The following MYBPC3 variants were observed in gnomAD, a reference collection of about 807,000 sequenced individuals.
The protein encoded by MYBPC3 is myosin-binding protein C, cardiac-type.
MYBPC3 carries 108 observed loss-of-function variants against 159.3 expected under a neutral mutation model. The ratio of observed to expected loss-of-function variants is 0.68; its 90% confidence interval spans 0.58 to 0.80. The LOEUF (loss-of-function observed/expected upper bound fraction) is 0.80, where lower values mean the gene tolerates loss of function less well. MYBPC3 is among the 30% of genes least tolerant of loss of function. The pLI, the probability that MYBPC3 is intolerant of heterozygous loss-of-function variation, is 0.00. For synonymous variants in MYBPC3, 730 were observed against 702.0 expected (o/e 1.04, Z -0.63); for missense variants, 1,631 against 1,762.1 (o/e 0.93, Z 1.33).
At chr11:47,336,874 G>A (rs2095882814) in intron 25 of MYBPC3, among the ~76,000 whole-genome samples, 1 of 152,234 alleles carries the variant, frequency 6.6e-6, no homozygotes, top group Admixed American at 6.5e-5. Flanking sequence ...GGACCATGGA[G>A]CTGCCTCTGC....
intron 12 of MYBPC3, among the ~76,000 whole-genome samples, chr11:47,345,943 CTT>C (rs1313165130): frequency 1.3e-5 from 2 of 152,040 alleles, no homozygotes; most frequent in African/African-American, 4.8e-5. Context: ...AACTTTTGCT[CTT>C]CTCTTCTATC....
intron 3 of MYBPC3, 22 bp from the exon 4 acceptor site, chr11:47,350,134 G>C: frequency 6.5e-7 from 1 of 1,548,038 alleles, no homozygotes; most frequent in Non-Finnish European, 8.7e-7. Flanking sequence ...GGCTTTTTCT[G>C]TTTGTTTGAG....
At chr11:47,339,842 A>G in intron 20 of MYBPC3, 52 bp from the exon 21 acceptor site, 1 of 1,592,090 alleles carries the variant, frequency 6.3e-7, no homozygotes, top group Middle Eastern at 1.7e-4. Context: ...GGAGGAGCAC[A>G]GGTCACTGGG....
intron 17 of MYBPC3, 58 bp from the exon 18 acceptor site, chr11:47,342,214 C>T: frequency 3.2e-6 from 5 of 1,581,798 alleles, no homozygotes; most frequent in Non-Finnish European, 3.4e-6. Flanking sequence ...GGCGTGAATC[C>T]CTGTGGAGGG....
chr11:47,341,012 G>C lies in MYBPC3; in HGVS notation c.1918C>G (p.Pro640Ala). The stretch of plus-strand genomic sequence containing the variant: ...GGGCCCCAAGACTTACCCTGCCTGG[G>C]TACGAAGTCAATCTTGACCTCTGCA... ...HFMEVKIDFV[P>A]RQEPPKIHLD... Residue 640 changes from proline (P) to alanine (A), a missense_variant, in exon 20 of 35, where the codon CCC becomes GCC. By Grantham distance (27) the Pro-to-Ala change is conservative. Coordinates refer to ENST00000545968, the MANE Select transcript of MYBPC3 (RefSeq NM_000256.3). 6.4e-7 allele frequency: 1 copy of C among 1,569,464 alleles called. No individual in the cohort carries two copies. The highest frequency in any genetic ancestry group is 8.6e-7 in the Non-Finnish European group (1 of 1,158,198).
Position 47,347,496 on chromosome 11 carries a change from C to A in MYBPC3, c.852-17G>T, listed in dbSNP as rs1369422685. ...TGGCTATCACTATGGAGAGGGACCC[C>A]CAGTGAGGCTGCAGTGAGGGACTGG... On this transcript the variant is annotated splice_polypyrimidine_tract_variant and intron_variant, in intron 8 of 34. Coordinates refer to ENST00000545968, the MANE Select transcript of MYBPC3 (RefSeq NM_000256.3). The A allele has an allele frequency of 1.3e-6, 2 of 1,593,588 alleles. No homozygotes were observed. The highest frequency in any genetic ancestry group is 2.7e-5 in the African/African-American group (2 of 74,480).
chr11:47,337,641 C>T (rs3729951), intron 24 of MYBPC3, 49 bp downstream of exon 24: 5 of 1,609,750 alleles, frequency 3.1e-6, no homozygotes, highest in South Asian at 1.1e-5. Context: ...CACCTTCCCT[C>T]GGATCTGTTT....
In MYBPC3 at chr11:47,351,592, C is replaced by A; in HGVS notation, c.26-87G>T. ...CCCCTCTCAGTAAATACTGTGCTAG[C>A]ACTTTCTATGCATCCCCTCACGTAA... On this transcript the variant is annotated intron_variant, in intron 1 of 34. Transcript: ENST00000545968. The surrounding 1 kb of genome is among the most constrained non-coding windows in gnomAD (Gnocchi z 4.2). 1 of 1,373,862 alleles carries A rather than the reference C, an allele frequency of 7.3e-7. No homozygotes were observed. Among genetic ancestry groups the A allele is most frequent in the Admixed American group, 2.7e-5 (1 of 37,184 alleles). 85.1% of individuals were successfully genotyped at this position (1,373,862 alleles called of 1,614,324 possible).
At chr11:47,348,631 C>T (rs1005063864) in intron 5 of MYBPC3, 90 bp from the exon 6 acceptor site, 17 of 1,028,152 alleles carry the variant, frequency 1.7e-5, no homozygotes, top group East Asian at 8.2e-5. Context: ...AGTGGCCGGG[C>T]GCGGTGGCTC....
chr11:47,348,599 C>G, intron 5 of MYBPC3, 58 bp from the exon 6 acceptor site: 1 of 1,406,550 alleles, frequency 7.1e-7, no homozygotes, highest in East Asian at 2.4e-5. Flanking sequence ...GACAAGGCTC[C>G]GCACCCTTAA....
intron 1 of MYBPC3, 131 bp downstream of exon 1, chr11:47,352,492 G>T: frequency 8.6e-7 from 1 of 1,160,720 alleles, no homozygotes. Context: ...TGGAGGACTG[G>T]CTGCCCCTGT....
At chr11:47,342,959 G>T in intron 15 of MYBPC3, 24 bp from the exon 16 acceptor site, 1 of 1,611,550 alleles carries the variant, frequency 6.2e-7, no homozygotes, top group South Asian at 1.1e-5. Context: ...GTGAGCATGA[G>T]GGTTGGCTCC....
chr11:47,340,700 A>T (rs1376709281), intron 20 of MYBPC3, among the ~76,000 whole-genome samples: 3 of 152,172 alleles, frequency 2.0e-5, no homozygotes, highest in Admixed American at 1.3e-4. Flanking sequence ...AGGAAGAAGA[A>T]GAAAAGATGT....
At position 47,339,401 on chromosome 11, in the gene MYBPC3, T is replaced by A. The variant is rs1289328545; in HGVS notation, c.2071A>T (p.Asn691Tyr). ...VIWQKAITQG[N>Y]KAPARPAPDA... The stretch of plus-strand genomic sequence containing the variant: ...GGGGCTGGCCTGGCTGGGGCCTTAT[T>A]CCCCTGGGAACAGGGCAGGAGGGAA... The change falls in exon 22 of 35, where the codon AAT becomes TAT. Residue 691 changes from asparagine (N) to tyrosine (Y), a missense_variant. Physicochemically the swap from Asn to Tyr is moderately radical, Grantham distance 143. Transcript: ENST00000545968. 6.2e-7 allele frequency: 1 copy of A among 1,613,982 alleles called. No homozygotes were observed. Among genetic ancestry groups the A allele is most frequent in the Admixed American group, 1.7e-5 (1 of 60,028 alleles).
chr11:47,337,616 C>T, intron 24 of MYBPC3, 37 bp from the exon 25 acceptor site: 1 of 1,613,210 alleles, frequency 6.2e-7, no homozygotes, highest in South Asian at 1.1e-5. Context: ...GTCTGGAACC[C>T]AGGCATCCCC....
At position 47,347,995 on chromosome 11, in the gene MYBPC3, C is replaced by G. The variant is rs546397241; in HGVS notation, c.773-90G>C. On this transcript the variant is annotated intron_variant, in intron 6 of 34. Transcript: ENST00000545968. ...CCTGGGGGCGGCCTCTGAGTATTCA[C>G]AGACTTGCCCATTCATGACCCCATG... 1.1e-4 allele frequency: 135 copies of G among 1,250,080 alleles called. No homozygotes were observed. In the African/African-American group the frequency reaches 1.9e-3, roughly 17 times the overall value. 77.4% of individuals were successfully genotyped at this position (1,250,080 alleles called of 1,614,324 possible). A position where few individuals can be genotyped will look rare whatever the true frequency, so the allele number is the denominator to read the frequency against.
rs397516063 is a variant in MYBPC3, at chr11:47,349,785, G to C, written c.643C>G (p.Arg215Gly). The C allele has an allele frequency of 2.5e-6, 4 of 1,606,116 alleles. No individual in the cohort carries two copies. Among genetic ancestry groups the C allele is most frequent in the Admixed American group, 1.7e-5 (1 of 59,928 alleles). ...QHLQLHDSYD[R>G]ASKVYLFELH... ...CCCGGTGGACCCACCTTGCTGGCGC[G>C]GTCGTAGCTGTCGTGCAGCTGCAGG... The change falls in exon 5 of 35, where the codon CGC becomes GGC. Residue 215 changes from arginine to glycine, a missense_variant. Physicochemically the swap from Arg to Gly is moderately radical, Grantham distance 125. Coordinates refer to ENST00000545968, the MANE Select transcript of MYBPC3 (RefSeq NM_000256.3).
intron 33 of MYBPC3, 72 bp from the exon 34 acceptor site, chr11:47,331,953 G>C (rs747106985): frequency 1.0e-5 from 16 of 1,595,238 alleles, no homozygotes; most frequent in Non-Finnish European, 1.4e-5. Context: ...GGGCGTGGCA[G>C]GGTCCGTGCC....
In MYBPC3 at chr11:47,331,760, G is replaced by T. The variant is rs11570119; in HGVS notation, c.*27-44C>A. ...TACGAGTGAATGGAGGGCCCCTACA[G>T]CCTCCCATTTACTGATGGCTGCCCC... On this transcript the variant is annotated intron_variant, in intron 34 of 34. Transcript: ENST00000545968. 5.7e-3 allele frequency: 7,807 copies of T among 1,375,658 alleles called. 365 individuals carry two copies. The African/African-American group carries it at 0.1, about 18-fold the overall frequency. The allele number at this position is 1,375,658 out of a possible 1,614,324, so 85.2% of individuals were successfully genotyped here. A position where few individuals can be genotyped will look rare whatever the true frequency, so the allele number is the denominator to read the frequency against.
Sources: gnomAD v4.1 joint callset for allele counts (sites outside exome capture counted in the v4.1 genomes callset) on GRCh38, gnomAD v4.1.1 for gene constraint, Gnocchi (gnomAD v3.1) non-coding constraint, MANE v1.5 for transcripts, NCBI Gene and HGNC (gene_info 2026-07-23, HGNC 2026-07-21) for gene names.